Variants in MDM4 observed in about 807,000 individuals in gnomAD.
MDM4 encodes MDM4 regulator of p53, also known as protein Mdm4.
In MDM4, 2 loss-of-function variants were observed where a neutral mutation model predicts 60.2. That is an observed-to-expected ratio of 0.03 (90% CI 0.01 to 0.10). MDM4 has a LOEUF of 0.10. Among genes scored for constraint, MDM4 ranks in the 10% least tolerant of loss-of-function variants. MDM4 has a pLI of 1.00. For synonymous variants in MDM4, 202 were observed against 198.1 expected (o/e 1.02, Z -0.17); for missense variants, 447 against 577.5 (o/e 0.77, Z 2.32).
At chr1:204,535,637 G>T (rs1373896288) in intron 5 of MDM4, among the ~76,000 whole-genome samples, 1 of 152,020 alleles carries the variant, frequency 6.6e-6, no homozygotes, top group Non-Finnish European at 1.5e-5. Context: ...GGGTTCAGGT[G>T]ATCTCCTGCC....
chr1:204,552,909 C>G lies in MDM4; in HGVS notation c.*3227C>G. On this transcript the variant is annotated 3_prime_UTR_variant, in exon 11 of 11. Coordinates refer to ENST00000367182, the MANE Select transcript of MDM4 (RefSeq NM_002393.5). ...TTTTTACTTGAGATGGAGTTTTGCT[C>G]TTGTCGCCCAGGCTGGAGTGCAGTG... 7.0e-6 allele frequency: 1 copy of G among 143,394 alleles called. No homozygotes were observed. The highest frequency in any genetic ancestry group is 1.5e-5 in the Non-Finnish European group (1 of 67,848). The allele number at this position is 143,394 out of a possible 1,614,324, so 8.9% of individuals were successfully genotyped here.
At chr1:204,548,298 A>T (rs548699483) in intron 10 of MDM4, among the ~76,000 whole-genome samples, 1 of 152,372 alleles carries the variant, frequency 6.6e-6, no homozygotes, top group East Asian at 1.9e-4. Flanking sequence ...CTGGAATCCC[A>T]GTTTAACACA....
chr1:204,523,501 T>G (rs1659791303), intron 1 of MDM4, among the ~76,000 whole-genome samples: 1 of 117,426 alleles, frequency 8.5e-6, no homozygotes, highest in Non-Finnish European at 1.6e-5. Context: ...TTTTTTTTTT[T>G]GCGACAGGGT....
rs552819590 is a variant in MDM4 at position 204,557,871 on chromosome 1, T to C, written c.*8189T>C. 1.1e-5 allele frequency: 2 copies of C among 186,690 alleles called. No individual in the cohort carries two copies. Among genetic ancestry groups the C allele is most frequent in the African/African-American group, 4.7e-5 (2 of 42,612 alleles). The allele number at this position is 186,690 out of a possible 1,614,324, so 11.6% of individuals were successfully genotyped here. ...AATTTAAAATAACTTTTTGGGAGAC[T>C]GAATTGAGTAATAATAAAACTTCAG... On this transcript the variant is annotated 3_prime_UTR_variant, in exon 11 of 11. Coordinates refer to ENST00000367182, the MANE Select transcript of MDM4 (RefSeq NM_002393.5).
Position 204,551,077 on chromosome 1 carries a change from C to G in MDM4, c.*1395C>G, listed in dbSNP as rs182168484. ...TTGTTTTTTGAGACAGGGTCTTGCTCTGTCGCCCAGGCTGGAGTGCACTGG... is the reference window on the plus strand; with the variant it reads ...TTGTTTTTTGAGACAGGGTCTTGCTGTGTCGCCCAGGCTGGAGTGCACTGG... On this transcript the variant is annotated 3_prime_UTR_variant, in exon 11 of 11. Transcript: ENST00000367182. 1 of 189,688 alleles carries G rather than the reference C, an allele frequency of 5.3e-6. No individual in the cohort carries two copies. The highest frequency in any genetic ancestry group is 6.2e-5 in the Admixed American group (1 of 16,186). The allele number at this position is 189,688 out of a possible 1,614,324, so 11.8% of individuals were successfully genotyped here.
At chr1:204,532,023 T>C (rs1054981956) in intron 4 of MDM4, among the ~76,000 whole-genome samples, 168 bp from the exon 5 acceptor site, 3 of 152,242 alleles carry the variant, frequency 2.0e-5, no homozygotes, top group African/African-American at 7.2e-5. Context: ...AACATCTTAA[T>C]ATTTAAATAA....
At chr1:204,519,397 C>T (rs948212615) in intron 1 of MDM4, among the ~76,000 whole-genome samples, 1 of 152,112 alleles carries the variant, frequency 6.6e-6, no homozygotes, top group Admixed American at 6.5e-5. Context: ...ATCCTAGCTA[C>T]TCGGGAGGCT....
chr1:204,532,965 C>T (rs1661022206), intron 5 of MDM4: 1 of 853,716 alleles, frequency 1.2e-6, no homozygotes, highest in Non-Finnish European at 1.8e-6. Context: ...ACATCAGAGT[C>T]ATGTAAGGTC....
In MDM4 at chr1:204,551,001, A is replaced by G. The variant is rs1266287573; in HGVS notation, c.*1319A>G. On this transcript the variant is annotated 3_prime_UTR_variant, in exon 11 of 11. Transcript: ENST00000367182. The stretch of plus-strand genomic sequence containing the variant: ...TTTTAATTCAGATAAACACACAAAC[A>G]TACTTCTCTGGCACAGCCTTCAGAA... 2 of 185,918 alleles carry G rather than the reference A, an allele frequency of 1.1e-5. No homozygotes were observed. The highest frequency in any genetic ancestry group is 4.7e-5 in the African/African-American group (2 of 42,662). The allele number at this position is 185,918 out of a possible 1,614,324, so 11.5% of individuals were successfully genotyped here.
intron 1 of MDM4, among the ~76,000 whole-genome samples, chr1:204,524,895 C>T (rs113266958): frequency 1.8e-4 from 27 of 152,254 alleles, no homozygotes; most frequent in Admixed American, 8.5e-4. Context: ...CATGCTACAT[C>T]TTTTCTTTGA....
At position 204,556,810 on chromosome 1, in the gene MDM4, C is replaced by T. The variant is rs1031627381; in HGVS notation, c.*7128C>T. ...TGTTTCTTTTGGGTTTTTTTTTCCC[C>T]CTTTTAAAATCAACAGGAAATGTTT... On this transcript the variant is annotated 3_prime_UTR_variant, in exon 11 of 11. Transcript: ENST00000367182. The T allele has an allele frequency of 1.4e-5, 3 of 211,364 alleles. No individual in the cohort carries two copies. Among genetic ancestry groups the T allele is most frequent in the Non-Finnish European group, 2.9e-5 (3 of 104,528 alleles). The allele number at this position is 211,364 out of a possible 1,614,324, so 13.1% of individuals were successfully genotyped here.
chr1:204,552,404 C>G lies in MDM4; in HGVS notation c.*2722C>G, dbSNP rs1440220030. 7.1e-6 allele frequency: 1 copy of G among 140,186 alleles called. No individual in the cohort carries two copies. Among genetic ancestry groups the G allele is most frequent in the Non-Finnish European group, 1.5e-5 (1 of 65,748 alleles). 8.7% of individuals were successfully genotyped at this position (140,186 alleles called of 1,614,324 possible). On this transcript the variant is annotated 3_prime_UTR_variant, in exon 11 of 11. Coordinates refer to ENST00000367182, the MANE Select transcript of MDM4 (RefSeq NM_002393.5). Reference sequence around the variant, plus strand: ...ATGGCATGATCTCTGCTCACCGCAACCTCTGCCTCCCGGGTTCAGGTGATT... The same window carrying G: ...ATGGCATGATCTCTGCTCACCGCAAGCTCTGCCTCCCGGGTTCAGGTGATT...
At chr1:204,523,473 A>ATTTTTTTTTTTT (rs60954516) in intron 1 of MDM4, among the ~76,000 whole-genome samples, 1 of 58,950 alleles carries the variant, frequency 1.7e-5, no homozygotes, top group Non-Finnish European at 2.8e-5. Flanking sequence ...CCTAAAAAAA[A>ATTTTTTTTTTTT]TTTTTTTTTT....
rs1211081974 is a variant in MDM4, at chr1:204,544,703, C to T, written c.822+19C>T. The T allele has an allele frequency of 1.9e-6, 3 of 1,600,778 alleles. No homozygotes were observed. Among genetic ancestry groups the T allele is most frequent in the East Asian group, 4.5e-5 (2 of 44,518 alleles). ...CAAAAAGGTATGTTGTGGAAAAATT[C>T]CATGTTGATTCTGTTTGTGTGCTCA... On this transcript the variant is annotated intron_variant, in intron 9 of 10. Coordinates refer to ENST00000367182, the MANE Select transcript of MDM4 (RefSeq NM_002393.5).
At chr1:204,523,796 T>G (rs1659825289) in intron 1 of MDM4, among the ~76,000 whole-genome samples, 3 of 152,134 alleles carry the variant, frequency 2.0e-5, no homozygotes, top group Admixed American at 2.0e-4. Flanking sequence ...GAAGGGTGCA[T>G]CTCACGGATG....
At position 204,534,049 on chromosome 1, in the gene MDM4, GT is replaced by G. The variant is rs200964431; in HGVS notation, c.343+1804del. On this transcript the variant is annotated intron_variant, in intron 5 of 10. Transcript: ENST00000367182. ...GATTCTTCCACTTCAGCCTCCCGAGGTGTTGGGATTACAGGCATGAGCCACC... is the reference window on the plus strand; with the variant it reads ...GATTCTTCCACTTCAGCCTCCCGAGGGTTGGGATTACAGGCATGAGCCACC... 8.7e-3 allele frequency among the ~76,000 whole-genome samples: 1,321 copies of G among 152,220 alleles called. 22 individuals carry two copies. Among genetic ancestry groups the G allele is most frequent in the African/African-American group, 0.029 (1,196 of 41,534 alleles).
chr1:204,525,646 T>C, intron 2 of MDM4, 50 bp downstream of exon 2: 1 of 1,265,848 alleles, frequency 7.9e-7, no homozygotes, highest in South Asian at 1.3e-5. Flanking sequence ...TTTTTTTAAT[T>C]TTTAAAAAGT....
chr1:204,520,138 G>A (rs1659418783), intron 1 of MDM4, among the ~76,000 whole-genome samples: 1 of 151,850 alleles, frequency 6.6e-6, no homozygotes, highest in African/African-American at 2.4e-5. Context: ...TTAGCCAGGC[G>A]AGGTGGTGGA....
At chr1:204,518,856 G>C (rs1659262758) in intron 1 of MDM4, among the ~76,000 whole-genome samples, 1 of 152,282 alleles carries the variant, frequency 6.6e-6, no homozygotes, top group South Asian at 2.1e-4. Flanking sequence ...AGTAGAGAGA[G>C]GTTTTCATTA....
Sources: allele counts gnomAD v4.1 joint callset (sites outside exome capture counted in the v4.1 genomes callset), GRCh38; gene constraint gnomAD v4.1.1; transcripts MANE v1.5; gene names NCBI Gene and HGNC (gene_info 2026-07-23, HGNC 2026-07-21).